The following GALNT13 variants were observed in gnomAD, a reference collection of about 807,000 sequenced individuals.
The protein encoded by GALNT13 is UDP-GalNAc:polypeptide N-acetylgalactosaminyltransferase 13.
Under a neutral mutation model 64.2 loss-of-function variants are expected in GALNT13, and 28 were observed. The observed-to-expected ratio is 0.44, with a 90% CI of 0.32 to 0.60. The LOEUF (loss-of-function observed/expected upper bound fraction) is 0.60, where lower values mean the gene tolerates loss of function less well. Ranked by LOEUF, GALNT13 falls within the 20% of genes least tolerant of loss-of-function variation. The probability of loss-of-function intolerance (pLI) is 0.05; values close to 1 mark genes in which losing one functional copy is unlikely to be tolerated. For synonymous variants in GALNT13, 214 were observed against 224.6 expected, an observed-to-expected ratio of 0.95 and a Z score of 0.42; for missense variants, 577 against 669.8, an observed-to-expected ratio of 0.86 and a Z score of 1.53.
the GALNT13 span, among the ~76,000 whole-genome samples, chr2:153,482,767 G>A: frequency 2.1e-5 from 3 of 140,196 alleles, no homozygotes; most frequent in Non-Finnish European, 4.5e-5. Context: ...AACGCACCCA[G>A]CCTTTTTTTT....
rs548471460 is a variant in GALNT13, at chr2:154,348,204, G to A, written c.1156+46615G>A. On this transcript the variant is annotated intron_variant, in intron 9 of 12. Transcript: ENST00000392825. The stretch of plus-strand genomic sequence containing the variant: ...ATCTTGGTCTTGGTTCTAACTCCTG[G>A]CGCTTAACCACTGTGCAATCCTGCC... Among the ~76,000 whole-genome samples, 6 of 152,154 alleles carry A rather than the reference G, an allele frequency of 3.9e-5. No homozygotes were observed. In the South Asian group the frequency reaches 1.2e-3, roughly 32 times the overall value.
At chr2:153,827,163 A>C in the GALNT13 span, among the ~76,000 whole-genome samples, 1 of 151,986 alleles carries the variant, frequency 6.6e-6, no homozygotes. Flanking sequence ...AGGCAGAGAG[A>C]GAGAGCTTGT....
the GALNT13 span, among the ~76,000 whole-genome samples, chr2:153,475,541 C>T: frequency 2.0e-5 from 3 of 152,154 alleles, no homozygotes; most frequent in African/African-American, 7.2e-5. Flanking sequence ...ACCTTGGCTC[C>T]TCTCTCAACT....
At chr2:153,985,486 A>G (rs756516938) in intron 3 of GALNT13, among the ~76,000 whole-genome samples, 3 of 151,946 alleles carry the variant, frequency 2.0e-5, no homozygotes, top group Non-Finnish European at 2.9e-5. Context: ...ATTCCTTTTC[A>G]TAGGACTGTG....
chr2:153,683,524 T>C, the GALNT13 span, among the ~76,000 whole-genome samples: 1 of 151,782 alleles, frequency 6.6e-6, no homozygotes, highest in Admixed American at 6.6e-5. Flanking sequence ...AGGGGATTAA[T>C]TGTACTACAT....
chr2:153,731,346 G>T, the GALNT13 span, among the ~76,000 whole-genome samples: 3 of 151,754 alleles, frequency 2.0e-5, no homozygotes, highest in African/African-American at 7.2e-5. Context: ...ATCAGAGATT[G>T]CAAAAAGTGG....
At chr2:153,307,084 T>C in the GALNT13 span, among the ~76,000 whole-genome samples, 6 of 152,240 alleles carry the variant, frequency 3.9e-5, no homozygotes, top group African/African-American at 1.4e-4. Flanking sequence ...TTTTTCTATA[T>C]ATCCATGACA....
the GALNT13 span, among the ~76,000 whole-genome samples, chr2:153,126,170 C>T: frequency 6.6e-6 from 1 of 151,424 alleles, no homozygotes; most frequent in Non-Finnish European, 1.5e-5. Flanking sequence ...GAAAAATAGC[C>T]AAGTAAGGCA....
chr2:154,439,947 A>G (rs1394591861), intron 12 of GALNT13, among the ~76,000 whole-genome samples: 2 of 152,130 alleles, frequency 1.3e-5, no homozygotes, highest in Admixed American at 6.6e-5. Context: ...CTGACCACCA[A>G]TTTTTTTCTC....
chr2:153,254,153 A>G, the GALNT13 span, among the ~76,000 whole-genome samples: 1 of 152,076 alleles, frequency 6.6e-6, no homozygotes, highest in South Asian at 2.1e-4. Flanking sequence ...AGATCCTGTT[A>G]TTGGTCTATT....
intron 2 of GALNT13, among the ~76,000 whole-genome samples, chr2:153,901,351 A>G (rs1220652060): frequency 2.6e-5 from 4 of 152,184 alleles, no homozygotes; most frequent in Admixed American, 6.6e-5. Context: ...TTTCCTAATT[A>G]TATGAACAAT....
intron 8 of GALNT13, among the ~76,000 whole-genome samples, chr2:154,274,438 C>A (rs945578300): frequency 1.6e-4 from 25 of 152,236 alleles, no homozygotes; most frequent in South Asian, 8.3e-4. Flanking sequence ...TATAGTTTGG[C>A]TGTGTCCCCA....
intron 4 of GALNT13, among the ~76,000 whole-genome samples, chr2:154,197,520 A>C (rs1458785169): frequency 6.6e-6 from 1 of 152,116 alleles, no homozygotes; most frequent in Non-Finnish European, 1.5e-5. Context: ...CACGTGATAC[A>C]CATAGTCAAT....
At chr2:153,571,340 T>C in the GALNT13 span, among the ~76,000 whole-genome samples, 42 of 152,194 alleles carry the variant, frequency 2.8e-4, no homozygotes, top group South Asian at 8.7e-3. Flanking sequence ...GTTTATCAGT[T>C]CTAATAGTTT....
In GALNT13 at chr2:154,266,680, C is replaced by T. The variant is rs144447646; in HGVS notation, c.975+7542C>T. ...ATATGATATTAAGATGACAATTCTC[C>T]CTCAGATCAATATAGATTCACTGCA... On this transcript the variant is annotated intron_variant, in intron 8 of 12. Coordinates refer to ENST00000392825, the MANE Select transcript of GALNT13 (RefSeq NM_052917.4). Among the ~76,000 whole-genome samples, 102 of 151,660 alleles carry T rather than the reference C, an allele frequency of 6.7e-4. 3 individuals carry two copies. The East Asian group carries it at 0.02, about 29-fold the overall frequency.
chr2:153,318,912 C>A, the GALNT13 span, among the ~76,000 whole-genome samples: 1 of 152,116 alleles, frequency 6.6e-6, no homozygotes, highest in Non-Finnish European at 1.5e-5. Flanking sequence ...AGAATTTACT[C>A]CCTTTCAGGC....
chr2:154,052,875 T>C (rs1055814034), intron 3 of GALNT13, among the ~76,000 whole-genome samples: 1 of 151,936 alleles, frequency 6.6e-6, no homozygotes, highest in Non-Finnish European at 1.5e-5. Context: ...TAGCTGGGAC[T>C]ACAGGCGCCC....
chr2:154,447,129 A>G (rs1378475762), intron 12 of GALNT13, among the ~76,000 whole-genome samples: 1 of 151,958 alleles, frequency 6.6e-6, no homozygotes, highest in Non-Finnish European at 1.5e-5. Flanking sequence ...AATCGATTAA[A>G]AAACTAACAG....
intron 8 of GALNT13, among the ~76,000 whole-genome samples, chr2:154,287,876 C>T (rs1054577936): frequency 6.6e-6 from 1 of 152,104 alleles, no homozygotes; most frequent in Non-Finnish European, 1.5e-5. Context: ...AAAAGAACCA[C>T]CTCTCCCAGT....
Sources: allele counts gnomAD v4.1 joint callset (sites outside exome capture counted in the v4.1 genomes callset), GRCh38; gene constraint gnomAD v4.1.1; transcripts MANE v1.5; gene names NCBI Gene and HGNC (gene_info 2026-07-23, HGNC 2026-07-21).